Variants in ABCC9 observed in about 807,000 individuals in gnomAD.
ABCC9 encodes ATP-binding cassette sub-family C member 9.
A neutral mutation model predicts 188.3 loss-of-function variants in ABCC9; 95 were observed. The observed-to-expected ratio is 0.50, with a 90% CI of 0.43 to 0.60. The LOEUF (loss-of-function observed/expected upper bound fraction) is 0.60. Ranked by LOEUF, ABCC9 falls within the 20% of genes least tolerant of loss-of-function variation. The pLI, the probability that ABCC9 is intolerant of heterozygous loss-of-function variation, is 0.00. For missense variants in ABCC9, 1,102 were observed against 1,876.3 expected (o/e 0.59, Z 7.62); for synonymous variants, 659 against 652.7 (o/e 1.01, Z -0.15).
chr12:21,840,574 C>A (rs1236536402), intron 29 of ABCC9, among the ~76,000 whole-genome samples: 2 of 152,162 alleles, frequency 1.3e-5, no homozygotes, highest in African/African-American at 2.4e-5. Flanking sequence ...TAAAGTAAGA[C>A]ATGACTGATA....
chr12:21,867,513 T>C (rs1185040588), intron 18 of ABCC9, among the ~76,000 whole-genome samples: 1 of 152,174 alleles, frequency 6.6e-6, no homozygotes, highest in Non-Finnish European at 1.5e-5. Context: ...CTTCCAAGTA[T>C]TATGGTTAAT....
At chr12:21,804,722 T>A (rs1323754017) in intron 39 of ABCC9, among the ~76,000 whole-genome samples, 1 of 152,186 alleles carries the variant, frequency 6.6e-6, no homozygotes, top group Non-Finnish European at 1.5e-5. Flanking sequence ...AAGGGTTCTG[T>A]TTCTCCCATG....
chr12:21,901,219 AG>A (rs1160306560), intron 12 of ABCC9, among the ~76,000 whole-genome samples: 1 of 152,226 alleles, frequency 6.6e-6, no homozygotes, highest in Non-Finnish European at 1.5e-5. Flanking sequence ...TCATAAGTGA[AG>A]GAGAAATAAA....
At position 21,814,741 on chromosome 12, in the gene ABCC9, C is replaced by A. The variant is rs1332849321; in HGVS notation, c.4024-19G>T. On this transcript the variant is annotated intron_variant, in intron 34 of 39. Coordinates refer to ENST00000261200, the MANE Select transcript of ABCC9 (RefSeq NM_020297.4). ...TGCCCACCTAGGAAAACAGCTGTCA[C>A]TCAAAGAGAAGAGGACTCAGAAAAG... 1 of 1,610,188 alleles carries A rather than the reference C, an allele frequency of 6.2e-7. No homozygotes were observed. Among genetic ancestry groups the A allele is most frequent in the South Asian group, 1.1e-5 (1 of 91,004 alleles).
intron 20 of ABCC9, 40 bp from the exon 21 acceptor site, chr12:21,861,095 A>G: frequency 2.0e-6 from 3 of 1,509,000 alleles, no homozygotes; most frequent in Non-Finnish European, 2.8e-6. Context: ...ATCTCAATTA[A>G]TACATTGTCC....
intron 29 of ABCC9, among the ~76,000 whole-genome samples, chr12:21,841,177 A>G (rs704180): frequency 0.55 from 83,223 of 151,920 alleles, 23,570 homozygotes; most frequent in African/African-American, 0.66. Flanking sequence ...TTACTATACT[A>G]TATATAGCGG....
chr12:21,940,400 T>A (rs1348978180), intron 2 of ABCC9, among the ~76,000 whole-genome samples: 1 of 152,200 alleles, frequency 6.6e-6, no homozygotes, highest in African/African-American at 2.4e-5. Flanking sequence ...CAAAAACAAA[T>A]GCTGTAATCA....
At chr12:21,938,111 T>C (rs1222213034) in intron 2 of ABCC9, 1 of 152,184 alleles carries the variant, frequency 6.6e-6, no homozygotes. Flanking sequence ...GAAAAGATTG[T>C]CAATGGTAGG....
intron 12 of ABCC9, among the ~76,000 whole-genome samples, chr12:21,905,351 CAT>C (rs200048509): frequency 2.8e-4 from 43 of 151,008 alleles, no homozygotes; most frequent in East Asian, 9.8e-4. Flanking sequence ...CAACATGACA[CAT>C]ATATATATAT....
In ABCC9 at chr12:21,906,111, G is replaced by A. The variant is rs113542446; in HGVS notation, c.1618+15C>T. The A allele has an allele frequency of 4.3e-6, 7 of 1,612,390 alleles. No homozygotes were observed. The highest frequency in any genetic ancestry group is 1.3e-5 in the African/African-American group (1 of 74,974). On this transcript the variant is annotated intron_variant, in intron 12 of 39. Coordinates refer to ENST00000261200, the MANE Select transcript of ABCC9 (RefSeq NM_020297.4). ...GCCCTTAAAGTCGCCTGTTCTTAGA[G>A]CAACAGCAACTTACTGGAGAGTGAT...
chr12:21,807,625 A>G, intron 37 of ABCC9, 146 bp from the exon 38 acceptor site: 2 of 1,107,026 alleles, frequency 1.8e-6, no homozygotes, highest in Non-Finnish European at 2.6e-6. Context: ...CTGGAACACA[A>G]AGAGGAACTC....
chr12:21,916,256 A>G (rs893615894), intron 6 of ABCC9, among the ~76,000 whole-genome samples: 1 of 152,200 alleles, frequency 6.6e-6, no homozygotes, highest in Non-Finnish European at 1.5e-5. Context: ...AAAATGTATT[A>G]TCAACACCAT....
chr12:21,903,953 A>G (rs1947900257), intron 12 of ABCC9, among the ~76,000 whole-genome samples: 1 of 152,204 alleles, frequency 6.6e-6, no homozygotes, highest in Non-Finnish European at 1.5e-5. Flanking sequence ...ATGGAACCAA[A>G]AAAGAGCCCA....
At chr12:21,918,804 C>T (rs960681634) in intron 5 of ABCC9, among the ~76,000 whole-genome samples, 5 of 152,062 alleles carry the variant, frequency 3.3e-5, no homozygotes, top group African/African-American at 1.2e-4. Context: ...AACCCAGGCA[C>T]AGGTCCTACT....
rs562434394 is a variant in ABCC9, at chr12:21,799,395, G to T, written c.*1649C>A. On this transcript the variant is annotated 3_prime_UTR_variant, in exon 40 of 40. Coordinates refer to ENST00000261200, the MANE Select transcript of ABCC9 (RefSeq NM_020297.4). The stretch of plus-strand genomic sequence containing the variant: ...TATTTAAACACCATTTTAGGAGAGT[G>T]GTTGAATTTTTAGAAAATATTTGCA... 5 of 152,194 alleles carry T rather than the reference G, an allele frequency of 3.3e-5. No homozygotes were observed. The South Asian group carries it at 1.0e-3, about 32-fold the overall frequency. 9.4% of individuals were successfully genotyped at this position (152,194 alleles called of 1,614,324 possible).
chr12:21,898,205 G>A (rs1335814140), intron 12 of ABCC9, among the ~76,000 whole-genome samples: 1 of 152,124 alleles, frequency 6.6e-6, no homozygotes, highest in African/African-American at 2.4e-5. Context: ...CTGGGCTGTT[G>A]TAATAATTAA....
intron 24 of ABCC9, among the ~76,000 whole-genome samples, chr12:21,849,239 A>G (rs980922404): frequency 3.3e-5 from 5 of 152,138 alleles, no homozygotes; most frequent in African/African-American, 7.2e-5. Flanking sequence ...ACCTTTTGTG[A>G]TTAGTCGCTA....
chr12:21,812,635 TG>T (rs1942323438), intron 35 of ABCC9, among the ~76,000 whole-genome samples: 1 of 151,954 alleles, frequency 6.6e-6, no homozygotes, highest in South Asian at 2.1e-4. Flanking sequence ...CACTCATAAG[TG>T]GGAGTTGAAC....
intron 18 of ABCC9, among the ~76,000 whole-genome samples, chr12:21,866,011 T>G (rs1945759371): frequency 6.8e-6 from 1 of 146,762 alleles, no homozygotes; most frequent in African/African-American, 2.5e-5. Flanking sequence ...CAAATCAGAG[T>G]AAACAATAGA....
Sources: allele counts gnomAD v4.1 joint callset (sites outside exome capture counted in the v4.1 genomes callset), GRCh38; gene constraint gnomAD v4.1.1; transcripts MANE v1.5; gene names NCBI Gene and HGNC (gene_info 2026-07-23, HGNC 2026-07-21).